UVSSA: variants seen among roughly 807,000 people sequenced by gnomAD.
The protein encoded by UVSSA is UV-stimulated scaffold protein A.
A neutral mutation model predicts 73.9 loss-of-function variants in UVSSA; 72 were observed. The observed-to-expected ratio is 0.97, with a 90% CI of 0.81 to 1.19. The LOEUF (loss-of-function observed/expected upper bound fraction) is 1.19, where lower values mean the gene tolerates loss of function less well. Among genes scored for constraint, UVSSA ranks in the 50% most tolerant of loss-of-function variants. The pLI is 0.00. For synonymous variants in UVSSA, 454 were observed against 391.3 expected (o/e 1.16, Z -1.89); for missense variants, 1,150 against 965.0 (o/e 1.19, Z -2.54).
chr4:1,371,297 C>T (rs73793385), intron 8 of UVSSA, among the ~76,000 whole-genome samples: 280 of 138,336 alleles, frequency 2.0e-3, no homozygotes, highest in African/African-American at 7.2e-3. Context: ...TGTGTAAAAT[C>T]GATGACGTGT....
rs977336871 is a variant in UVSSA, at chr4:1,372,322, G to A, written c.1289-3042G>A. Among the ~76,000 whole-genome samples the A allele has an allele frequency of 1.2e-4, 19 of 152,068 alleles. No homozygotes were observed. In the East Asian group the frequency reaches 3.1e-3, roughly 25 times the overall value. On this transcript the variant is annotated intron_variant, in intron 8 of 13. Coordinates refer to ENST00000389851, the MANE Select transcript of UVSSA (RefSeq NM_020894.4). ...GAAGTCTTCAAAAGACACATCTGGC[G>A]GCCTGTCACGCGTCCATCCATGGCA...
intron 8 of UVSSA, among the ~76,000 whole-genome samples, chr4:1,368,442 C>A (rs550259991): frequency 6.6e-6 from 1 of 152,372 alleles, no homozygotes; most frequent in Admixed American, 6.5e-5. Context: ...GGTCTCCTTT[C>A]ATCAGAAGAG....
At chr4:1,376,509 C>G (rs903029284) in intron 10 of UVSSA, among the ~76,000 whole-genome samples, 9 of 152,208 alleles carry the variant, frequency 5.9e-5, no homozygotes, top group Non-Finnish European at 1.3e-4. Flanking sequence ...CAGGACTGCA[C>G]GGTTGGCTGA....
At chr4:1,350,489 C>T (rs546310232) in intron 3 of UVSSA, among the ~76,000 whole-genome samples, 1 of 152,336 alleles carries the variant, frequency 6.6e-6, no homozygotes, top group Admixed American at 6.5e-5. Context: ...CAGTCAGCAG[C>T]CTCTGCCTGC....
intron 12 of UVSSA, among the ~76,000 whole-genome samples, chr4:1,381,314 G>C (rs1719471237): frequency 6.6e-6 from 1 of 152,258 alleles, no homozygotes; most frequent in South Asian, 2.1e-4. Context: ...GGCAGGTGAA[G>C]GCCTTAAGGC....
chr4:1,348,336 C>G (rs1714056729), intron 2 of UVSSA, 147 bp downstream of exon 2: 2 of 655,110 alleles, frequency 3.1e-6, no homozygotes, highest in South Asian at 3.6e-5. Flanking sequence ...GTACCCGGCT[C>G]TGACGGGTGG....
At chr4:1,370,177 AGATT>A (rs111969876) in intron 8 of UVSSA, among the ~76,000 whole-genome samples, 2,493 of 152,360 alleles carry the variant, frequency 0.016, 75 homozygotes, top group African/African-American at 0.057. Flanking sequence ...AGGAATTCTC[AGATT>A]GATCTTTTGG....
At chr4:1,355,761 A>G (rs548345150) in intron 7 of UVSSA, among the ~76,000 whole-genome samples, 1 of 152,234 alleles carries the variant, frequency 6.6e-6, no homozygotes, top group Non-Finnish European at 1.5e-5. Flanking sequence ...AGCAGGGAGC[A>G]CGGGGTTAGA....
At chr4:1,351,541 T>G (rs1161810035) in intron 3 of UVSSA, among the ~76,000 whole-genome samples, 174 bp from the exon 4 acceptor site, 2 of 149,924 alleles carry the variant, frequency 1.3e-5, no homozygotes, top group Admixed American at 6.6e-5. Flanking sequence ...GCCCGCCACC[T>G]CGCCTGGCTA....
At position 1,361,235 on chromosome 4, in the gene UVSSA, C is replaced by T. The variant is rs1716583599; in HGVS notation, c.1177-5085C>T. Reference sequence around the variant, plus strand: ...GGCCTGTGGTGCTGTGGTCCTGGCCCCTGCAGCTGGGACTCCAGGAAGCGG... The same window carrying T: ...GGCCTGTGGTGCTGTGGTCCTGGCCTCTGCAGCTGGGACTCCAGGAAGCGG... On this transcript the variant is annotated intron_variant, in intron 7 of 13. Transcript: ENST00000389851. 1.3e-5 allele frequency among the ~76,000 whole-genome samples: 2 copies of T among 152,224 alleles called. 1 individual carries two copies. Among genetic ancestry groups the T allele is most frequent in the Admixed American group, 1.3e-4 (2 of 15,286 alleles).
chr4:1,395,508 TCA>T lies in UVSSA; in HGVS notation c.*9554_*9555del, dbSNP rs770394075. The T allele has an allele frequency of 9.6e-6, 15 of 1,558,920 alleles. No homozygotes were observed. In the East Asian group the frequency reaches 1.9e-4, roughly 20 times the overall value. Reference sequence around the variant, plus strand: ...GTGCCATTGTGGAGTGCCCGCCTGCTCACACACATGCCGATGTGGAGTGCCCG... The same window carrying T: ...GTGCCATTGTGGAGTGCCCGCCTGCTCACACATGCCGATGTGGAGTGCCCG... On this transcript the variant is annotated 3_prime_UTR_variant, in exon 14 of 14. Transcript: ENST00000511216.
chr4:1,349,837 T>C lies in UVSSA; in HGVS notation c.412T>C (p.Leu138=), dbSNP rs771676698. 1.9e-6 allele frequency: 3 copies of C among 1,555,784 alleles called. No homozygotes were observed. The highest frequency in any genetic ancestry group is 2.6e-6 in the Non-Finnish European group (3 of 1,151,598). ...GAAGCTTGCCTTGGGCTACCACTTC[T>C]TAAGACACAACAAAAAGGTAGGTGG... ...YKKLALGYHF[L]RHNKKVDFQD... The change falls in exon 3 of 14, where the codon TTA becomes CTA. Residue 138 remains leucine, a synonymous_variant. Coordinates refer to ENST00000389851, the MANE Select transcript of UVSSA (RefSeq NM_020894.4).
At chr4:1,354,429 GGT>G (rs1715332586) in intron 5 of UVSSA, 1 of 395,314 alleles carries the variant, frequency 2.5e-6, no homozygotes, top group African/African-American at 2.0e-5. Context: ...GTGTGGGGGC[GGT>G]GAGTAGAAGA....
chr4:1,374,700 G>A (rs1002113964), intron 8 of UVSSA, among the ~76,000 whole-genome samples: 2 of 152,212 alleles, frequency 1.3e-5, no homozygotes, highest in Non-Finnish European at 2.9e-5. Context: ...GGAGGGAGTT[G>A]CCAGGGCCAA....
At chr4:1,363,272 G>A (rs1716894220) in intron 7 of UVSSA, among the ~76,000 whole-genome samples, 1 of 152,120 alleles carries the variant, frequency 6.6e-6, no homozygotes, top group Admixed American at 6.6e-5. Context: ...CGGGACCAGG[G>A]TGCCCTCATC....
chr4:1,353,052 C>T lies in UVSSA; in HGVS notation c.573C>T (p.Ser191=), dbSNP rs1484805140. ...EMQEMSGEIE[S]CLTEVESCFR... is the part of the protein sequence containing the mutation. The stretch of plus-strand genomic sequence containing the variant: ...CAGAAATGTCTGGAGAAATTGAATC[C>T]TGCTTGACGGAGGTAGAGAGCTGCT... The change falls in exon 5 of 14, where the codon TCC becomes TCT. Residue 191 remains serine (S), a synonymous_variant. Coordinates refer to ENST00000389851, the MANE Select transcript of UVSSA (RefSeq NM_020894.4). The T allele has an allele frequency of 1.4e-5, 23 of 1,611,468 alleles. No homozygotes were observed. The highest frequency in any genetic ancestry group is 4.0e-5 in the African/African-American group (3 of 74,916).
At chr4:1,368,760 T>G (rs1325203862) in intron 8 of UVSSA, among the ~76,000 whole-genome samples, 1 of 152,236 alleles carries the variant, frequency 6.6e-6, no homozygotes, top group African/African-American at 2.4e-5. Flanking sequence ...TCCAGATGTG[T>G]GTCTCCAGCT....
At position 1,383,747 on chromosome 4, in the gene UVSSA, G is replaced by A; in HGVS notation, c.1862-19G>A. The stretch of plus-strand genomic sequence containing the variant: ...GTCAGTGCCAGACGTCTCCTGAAGT[G>A]CTTGAGTTTTGTTTGCAGAATGGCA... On this transcript the variant is annotated intron_variant, in intron 12 of 13. Transcript: ENST00000389851. The A allele has an allele frequency of 6.2e-7, 1 of 1,612,622 alleles. No individual in the cohort carries two copies. The highest frequency in any genetic ancestry group is 8.5e-7 in the Non-Finnish European group (1 of 1,179,938).
At position 1,379,141 on chromosome 4, in the gene UVSSA, C is replaced by T. The variant is rs572405044; in HGVS notation, c.1569-906C>T. On this transcript the variant is annotated intron_variant, in intron 10 of 13. Transcript: ENST00000389851. ...ACAGGGTGTGGGAGCCCGGGAGCTT[C>T]GGGCAGAGCCGACCGTTCCCCAGTC... Among the ~76,000 whole-genome samples the T allele has an allele frequency of 5.3e-5, 8 of 152,330 alleles. No individual in the cohort carries two copies. The East Asian group carries it at 9.7e-4, about 18-fold the overall frequency.
Sources: gnomAD v4.1 joint callset for allele counts (sites outside exome capture counted in the v4.1 genomes callset) on GRCh38, gnomAD v4.1.1 for gene constraint, MANE v1.5 for transcripts, NCBI Gene and HGNC (gene_info 2026-07-23, HGNC 2026-07-21) for gene names.